Variants in NCOR2 observed in about 807,000 individuals in gnomAD.
NCOR2 encodes the protein CTG repeat protein 26.
Under a neutral mutation model 262.9 loss-of-function variants are expected in NCOR2, and 81 were observed. That is an observed-to-expected ratio of 0.31 (90% CI 0.26 to 0.37). The LOEUF (loss-of-function observed/expected upper bound fraction) is 0.37, where lower values mean the gene tolerates loss of function less well. NCOR2 is among the 10% of genes least tolerant of loss of function. The probability of loss-of-function intolerance (pLI) is 1.00; values close to 1 mark genes in which losing one functional copy is unlikely to be tolerated. For synonymous variants in NCOR2, 1,659 were observed against 1,559.3 expected (o/e 1.06, Z -1.51); for missense variants, 3,385 against 3,621.4 (o/e 0.93, Z 1.68).
intron 8 of NCOR2, among the ~76,000 whole-genome samples, chr12:124,431,412 A>G (rs1027703234): frequency 1.3e-4 from 18 of 143,324 alleles, no homozygotes; most frequent in Admixed American, 3.4e-4. Context: ...ACACAGGCAG[A>G]CAGACAGACA....
At chr12:124,359,089 C>A (rs2038276822) in intron 22 of NCOR2, among the ~76,000 whole-genome samples, 1 of 152,222 alleles carries the variant, frequency 6.6e-6, no homozygotes, top group Admixed American at 6.5e-5. Context: ...CCTGTAAACT[C>A]AGCGGGGCCC....
intron 10 of NCOR2, among the ~76,000 whole-genome samples, chr12:124,427,503 C>T (rs1026167646): frequency 3.9e-5 from 6 of 152,222 alleles, no homozygotes; most frequent in African/African-American, 7.2e-5. Context: ...CGGAGGTAGG[C>T]GAGGACTCCG....
At chr12:124,410,886 G>A (rs7968698) in intron 13 of NCOR2, among the ~76,000 whole-genome samples, 2 of 152,050 alleles carry the variant, frequency 1.3e-5, no homozygotes, top group African/African-American at 4.8e-5. Context: ...CAGTCCCTCC[G>A]CAAAGAGCTG....
Position 124,354,087 on chromosome 12 carries a change from A to G in NCOR2, c.3693+6T>C, listed in dbSNP as rs763543287. On this transcript the variant is annotated splice_donor_region_variant and intron_variant, in intron 27 of 46. Transcript: ENST00000405201. Reference sequence around the variant, plus strand: ...CGTCCTTCCTGCCGCACCCCAGGACACCTACGTGGGTGATGGAGCCGCGGT... The same window carrying G: ...CGTCCTTCCTGCCGCACCCCAGGACGCCTACGTGGGTGATGGAGCCGCGGT... 49 of 1,606,522 alleles carry G rather than the reference A, an allele frequency of 3.1e-5. No homozygotes were observed. The highest frequency in any genetic ancestry group is 4.1e-5 in the Non-Finnish European group (48 of 1,178,434).
exon 46 of NCOR2, chr12:124,326,206 T>C: frequency 6.5e-7 from 1 of 1,534,604 alleles, no homozygotes; most frequent in Non-Finnish European, 8.8e-7. Flanking sequence ...GACGAGGGCC[T>C]GTCCTCCCAC....
Position 124,549,322 on chromosome 12 carries a change from C to T in NCOR2, c.-164-13711G>A, listed in dbSNP as rs1320116008. On this transcript the variant is annotated intron_variant, in intron 1 of 32. Transcript: ENST00000458234. This position sits in a 1 kb window ranked among gnomAD's most constrained non-coding sequence, Gnocchi z 4.4. ...CTGGAGGATAAAATCCCACACTCCC[C>T]GCTTGGCCGGGTGGCCCACTGCCCG... Among the ~76,000 whole-genome samples the T allele has an allele frequency of 6.6e-6, 1 of 152,130 alleles. No homozygotes were observed. Among genetic ancestry groups the T allele is most frequent in the African/African-American group, 2.4e-5 (1 of 41,406 alleles).
intron 15 of NCOR2, 21 bp from the exon 18 acceptor site, chr12:124,398,202 T>A (rs762293290): frequency 8.1e-6 from 13 of 1,613,586 alleles, no homozygotes; most frequent in South Asian, 3.3e-5. Flanking sequence ...GATGCCAGGT[T>A]ATTGGCAGGA....
rs764503618 is a variant in NCOR2, at chr12:124,346,761, G to T, written c.4162C>A (p.Pro1388Thr). The change falls in exon 31 of 47, where the codon CCG becomes ACG. Residue 1388 changes from proline (P) to threonine (T), a missense_variant. Around this residue, in one of 5 missense-constraint regions of NCOR2, gnomAD observed 1,615 missense variants for 1,626.9 expected, o/e 0.99. Transcript: ENST00000405201. The stretch of plus-strand genomic sequence containing the variant: ...GCCTCGGTCAGGTCCCGTGAGGGCG[G>T]TGGGGGCGGAGGCGTGCCCTCCCGC... 8 of 1,558,382 alleles carry T rather than the reference G, an allele frequency of 5.1e-6. No homozygotes were observed. In the East Asian group the frequency reaches 1.7e-4, roughly 32 times the overall value.
At chr12:124,444,744 G>A (rs1328209623) in intron 7 of NCOR2, among the ~76,000 whole-genome samples, 2 of 152,068 alleles carry the variant, frequency 1.3e-5, no homozygotes, top group Admixed American at 6.5e-5. Context: ...GCGGGTTGGG[G>A]TGATGGTCTG....
intron 12 of NCOR2, among the ~76,000 whole-genome samples, chr12:124,422,245 G>T (rs1277986546): frequency 2.6e-5 from 4 of 152,222 alleles, no homozygotes; most frequent in African/African-American, 9.6e-5. Flanking sequence ...AGCTCTCCCT[G>T]GGGTTCTCGG....
chr12:124,448,648 A>AGATGCTGCAGGAG (rs111856158), intron 7 of NCOR2, among the ~76,000 whole-genome samples: 145,829 of 152,228 alleles, frequency 0.96, 70,014 homozygotes, highest in East Asian at 1. Context: ...AACAATGACC[A>AGATGCTGCAGGAG]GGTGGCCAAG....
chr12:124,353,028 T>A (rs1401210176), intron 27 of NCOR2, among the ~76,000 whole-genome samples: 2 of 152,348 alleles, frequency 1.3e-5, no homozygotes, highest in Middle Eastern at 3.4e-3. Flanking sequence ...TATCTGGTAG[T>A]GAGACTGCAC....
At chr12:124,514,560 A>G (rs988337080) in intron 1 of NCOR2, 1 of 152,220 alleles carries the variant, frequency 6.6e-6, no homozygotes, top group Non-Finnish European at 1.5e-5. Context: ...AAGAGGTTAC[A>G]GCCAGGCCGG....
intron 2 of NCOR2, among the ~76,000 whole-genome samples, chr12:124,485,324 CACA>C (rs904681012): frequency 2.0e-5 from 3 of 152,322 alleles, no homozygotes; most frequent in Admixed American, 2.0e-4. Context: ...ATCCTTGTAA[CACA>C]ACAAGAGAAC....
intron 42 of NCOR2, 32 bp from the exon 45 acceptor site, chr12:124,332,499 C>G: frequency 1.9e-6 from 3 of 1,613,614 alleles, no homozygotes; most frequent in Non-Finnish European, 2.5e-6. Flanking sequence ...CATCAGCTCA[C>G]TTGGTGCCGA....
At chr12:124,343,626 CATT>C (rs1478648537) in intron 32 of NCOR2, among the ~76,000 whole-genome samples, 11 of 22,246 alleles carry the variant, frequency 4.9e-4, no homozygotes, top group South Asian at 4.8e-3. Context: ...AATTTTCTTT[CATT>C]TTTTTTTTTT....
At chr12:124,558,131 C>A (rs965738299) in intron 1 of NCOR2, among the ~76,000 whole-genome samples, 1 of 152,120 alleles carries the variant, frequency 6.6e-6, no homozygotes, top group Non-Finnish European at 1.5e-5. Flanking sequence ...TCAGCAGGTA[C>A]CGCAGAGTTC....
intron 11 of NCOR2, among the ~76,000 whole-genome samples, chr12:124,425,369 G>A (rs1450664735): frequency 6.6e-6 from 1 of 151,530 alleles, no homozygotes; most frequent in African/African-American, 2.4e-5. Context: ...ACGAAACTCT[G>A]TCTTGAAAAG....
chr12:124,463,585 ACTGCCAGGCGGGCC>A (rs1193603641), intron 5 of NCOR2, among the ~76,000 whole-genome samples: 1 of 152,176 alleles, frequency 6.6e-6, no homozygotes, highest in Non-Finnish European at 1.5e-5. Flanking sequence ...AGCACTCAGA[ACTGCCAGGCGGGCC>A]CTGCCCGGCA....
Sources: gnomAD v4.1 joint callset for allele counts (sites outside exome capture counted in the v4.1 genomes callset) on GRCh38, gnomAD v4.1.1 for gene constraint, gnomAD v4.1.1 regional missense constraint, Gnocchi (gnomAD v3.1) non-coding constraint, MANE v1.5 for transcripts, NCBI Gene and HGNC (gene_info 2026-07-23, HGNC 2026-07-21) for gene names.